Variants in KIF1C observed in about 807,000 individuals in gnomAD.
KIF1C encodes kinesin-like protein KIF1C.
KIF1C carries 61 observed loss-of-function variants against 126.5 expected under a neutral mutation model. The observed-to-expected ratio is 0.48, with a 90% CI of 0.39 to 0.60. The LOEUF (loss-of-function observed/expected upper bound fraction) is 0.60, where lower values mean the gene tolerates loss of function less well. KIF1C is among the 20% of genes least tolerant of loss of function. The pLI, the probability that KIF1C is intolerant of heterozygous loss-of-function variation, is 0.00. For missense variants in KIF1C, 1,315 were observed against 1,489.2 expected (o/e 0.88, Z 1.93); for synonymous variants, 640 against 580.6 (o/e 1.10, Z -1.47).
rs1045112397 is a variant in KIF1C, at chr17:5,004,998, A to C, written c.1163A>C (p.Glu388Ala). 27 of 1,614,006 alleles carry C rather than the reference A, an allele frequency of 1.7e-5. No individual in the cohort carries two copies. Among genetic ancestry groups the C allele is most frequent in the Admixed American group, 3.3e-5 (2 of 60,002 alleles). The change falls in exon 13 of 23, where the codon GAA becomes GCA. Residue 388 changes from glutamate (E) to alanine (A), a missense_variant and splice_region_variant. Glu to Ala is a moderately radical substitution (Grantham distance 107, BLOSUM62 -1). This residue lies in a region of KIF1C where 874 missense variants were observed against 1,053.2 expected (regional missense o/e 0.83). Transcript: ENST00000320785. ...CAGGGACTGTCAGCCTCTGCTCTGG[A>C]AGGTCGAGGTTCCAGGGAGGGGCAG... Reference protein sequence around the residue: ...MAQGLSASALEGLKTEEGSVR... With the variant: ...MAQGLSASALAGLKTEEGSVR...
In KIF1C at chr17:5,024,147, T is replaced by TGTGA; in HGVS notation, c.3311_*2dup. The TGTGA allele has an allele frequency of 6.2e-7, 1 of 1,605,246 alleles. No homozygotes were observed. Among genetic ancestry groups the TGTGA allele is most frequent in the Non-Finnish European group, 8.5e-7 (1 of 1,175,818 alleles). Reference sequence around the variant, plus strand: ...GACCTCAAGGAGAGTGGGGCAGCTGTGTGAGTCCCACATCCTGGGCAGAGG... The same window carrying TGTGA: ...GACCTCAAGGAGAGTGGGGCAGCTGTGTGAGTGAGTCCCACATCCTGGGCAGAGG... On this transcript the variant is annotated stop_gained and frameshift_variant, in exon 23 of 23. Transcript: ENST00000320785. LOFTEE classifies it high-confidence loss of function.
At chr17:5,000,461 G>C (rs2143305017) in intron 3 of KIF1C, 109 bp downstream of exon 3, 1 of 791,596 alleles carries the variant, frequency 1.3e-6, no homozygotes. Context: ...TGGGCACAGA[G>C]CAGGTGCTAG....
At chr17:5,002,665 A>G in intron 7 of KIF1C, 23 bp downstream of exon 7, 1 of 1,611,592 alleles carries the variant, frequency 6.2e-7, no homozygotes, top group Non-Finnish European at 8.5e-7. Flanking sequence ...GATGGAGCAG[A>G]GGGCAAGGGG....
At chr17:5,019,876 T>C (rs767526061) in intron 18 of KIF1C, 120 bp from the exon 19 acceptor site, 12 of 721,356 alleles carry the variant, frequency 1.7e-5, no homozygotes, top group Non-Finnish European at 2.7e-5. Context: ...CTACAGGTAC[T>C]GGGGGTGGGA....
intron 13 of KIF1C, among the ~76,000 whole-genome samples, chr17:5,005,718 C>T (rs1239478448): frequency 2.0e-5 from 3 of 150,038 alleles, no homozygotes; most frequent in Non-Finnish European, 3.0e-5. Flanking sequence ...CAGCTCAGCA[C>T]AGCTAAGAAT....
chr17:5,009,654 G>A (rs1407144480), intron 16 of KIF1C, among the ~76,000 whole-genome samples: 1 of 151,268 alleles, frequency 6.6e-6, no homozygotes, highest in Non-Finnish European at 1.5e-5. Context: ...CACGTGTGCT[G>A]GCGGGCGCCT....
intron 16 of KIF1C, among the ~76,000 whole-genome samples, chr17:5,012,804 C>T (rs1597855023): frequency 6.6e-6 from 1 of 152,146 alleles, no homozygotes; most frequent in Non-Finnish European, 1.5e-5. Context: ...GGCAGCGTCG[C>T]CTGTACGCCA....
intron 14 of KIF1C, 59 bp downstream of exon 14, chr17:5,007,143 C>G: frequency 6.3e-7 from 1 of 1,577,240 alleles, no homozygotes; most frequent in East Asian, 2.2e-5. Context: ...GTTTACTTCT[C>G]CAAAGTCAAG....
intron 18 of KIF1C, 109 bp downstream of exon 18, chr17:5,014,946 A>G (rs2143359377): frequency 1.2e-6 from 1 of 857,636 alleles, no homozygotes; most frequent in South Asian, 1.6e-5. Flanking sequence ...GCAGCCATAT[A>G]AAGAGGGGAT....
intron 6 of KIF1C, 88 bp from the exon 7 acceptor site, chr17:5,002,376 C>G: frequency 1.5e-6 from 2 of 1,296,650 alleles, no homozygotes; most frequent in Non-Finnish European, 2.2e-6. Flanking sequence ...GCTGCAGTCA[C>G]CTGGATCGTG....
In KIF1C at chr17:5,020,598, T is replaced by G; in HGVS notation, c.1857T>G (p.Ser619=). Residue 619 remains serine, a synonymous_variant, in exon 20 of 23, where the codon TCT becomes TCG. Transcript: ENST00000320785. The surrounding 1 kb of genome is among the most constrained non-coding windows in gnomAD (Gnocchi z 5.8). The part of the protein sequence containing the change: ...RGVPPPPGPP[S]EPVDWNFAQK... ...TCCCCCCACCCCCAGGACCGCCCTC[T>G]GAGCCAGTCGACTGGAACTTTGCCC... 9 of 1,614,208 alleles carry G rather than the reference T, an allele frequency of 5.6e-6. No homozygotes were observed. Among genetic ancestry groups the G allele is most frequent in the Non-Finnish European group, 6.8e-6 (8 of 1,180,012 alleles).
chr17:5,006,987 C>T lies in KIF1C; in HGVS notation c.1238C>T (p.Pro413Leu), dbSNP rs1974748952. 4 of 1,611,736 alleles carry T rather than the reference C, an allele frequency of 2.5e-6. No homozygotes were observed. The highest frequency in any genetic ancestry group is 2.2e-5 in the East Asian group (1 of 44,836). ...AVSSPPAPVS[P>L]SSPTTHNGEL... ...TCATCTCCCCCAGCTCCAGTTTCAC[C>T]CTCATCACCCACCACACATAATGGG... Residue 413 changes from proline (P) to leucine (L), a missense_variant, in exon 14 of 23, where the codon CCC becomes CTC. This residue lies in a region of KIF1C where 874 missense variants were observed against 1,053.2 expected (regional missense o/e 0.83). Coordinates refer to ENST00000320785, the MANE Select transcript of KIF1C (RefSeq NM_006612.6).
intron 16 of KIF1C, among the ~76,000 whole-genome samples, 191 bp from the exon 17 acceptor site, chr17:5,013,462 G>A (rs1240593635): frequency 6.6e-6 from 1 of 152,074 alleles, no homozygotes; most frequent in Non-Finnish European, 1.5e-5. Context: ...TGAGAGGTGG[G>A]AACCAAAGAA....
rs1428502914 is a variant in KIF1C, at chr17:5,007,274, G to A, written c.1347G>A (p.Lys449=). Residue 449 remains lysine (K), a synonymous_variant, in exon 15 of 23, where the codon AAG becomes AAA. Transcript: ENST00000320785. The part of the protein sequence containing the change: ...EAMERLQETE[K]IIAELNETWE... ...CCTTACGCCCCCAGGAGACAGAGAA[G>A]ATTATAGCTGAGCTGAACGAGACAT... The A allele has an allele frequency of 2.5e-6, 4 of 1,609,134 alleles. No homozygotes were observed. The Admixed American group carries it at 6.8e-5, about 27-fold the overall frequency.
chr17:5,014,371 G>A (rs1396237815), intron 17 of KIF1C: 1 of 211,208 alleles, frequency 4.7e-6, no homozygotes, highest in African/African-American at 2.3e-5. Flanking sequence ...TTTGGGGTAT[G>A]GCTGCTGAGG....
chr17:5,006,956 G>T lies in KIF1C; in HGVS notation c.1207G>T (p.Ala403Ser), dbSNP rs748884069. The T allele has an allele frequency of 2.5e-6, 4 of 1,609,046 alleles. No individual in the cohort carries two copies. Among genetic ancestry groups the T allele is most frequent in the Admixed American group, 1.7e-5 (1 of 58,026 alleles). Reference sequence around the variant, plus strand: ...AGGGAGTGTCAGAGGCGCCCTGCCAGCTGTGTCATCTCCCCCAGCTCCAGT... The same window carrying T: ...AGGGAGTGTCAGAGGCGCCCTGCCATCTGTGTCATCTCCCCCAGCTCCAGT... ...EEGSVRGALP[A>S]VSSPPAPVSP... is the part of the protein sequence containing the mutation. Residue 403 changes from alanine to serine, a missense_variant, in exon 14 of 23, where the codon GCT becomes TCT. Around this residue, in one of 2 missense-constraint regions of KIF1C, gnomAD observed 874 missense variants for 1,053.2 expected, o/e 0.83. Transcript: ENST00000320785.
chr17:5,004,445 C>G, intron 11 of KIF1C, 122 bp from the exon 12 acceptor site: 1 of 872,756 alleles, frequency 1.1e-6, no homozygotes, highest in Non-Finnish European at 1.9e-6. Flanking sequence ...GCTAGACTCC[C>G]CTACCTCAGA....
chr17:5,005,698 G>A (rs1193598488), intron 13 of KIF1C, among the ~76,000 whole-genome samples: 20 of 151,992 alleles, frequency 1.3e-4, no homozygotes, highest in Admixed American at 1.3e-3. Flanking sequence ...ACATGACGTG[G>A]GACCAGTTTC....
At position 5,007,497 on chromosome 17, in the gene KIF1C, C is replaced by T. The variant is rs551585017; in HGVS notation, c.1446C>T (p.Ala482=). The T allele has an allele frequency of 1.6e-5, 25 of 1,573,926 alleles. No individual in the cohort carries two copies. Among genetic ancestry groups the T allele is most frequent in the South Asian group, 7.0e-5 (6 of 85,224 alleles). Residue 482 remains alanine, a synonymous_variant, in exon 16 of 23, where the codon GCC becomes GCT. Coordinates refer to ENST00000320785, the MANE Select transcript of KIF1C (RefSeq NM_006612.6). ...REALLAEMGV[A]VREDGGTVGV... The stretch of plus-strand genomic sequence containing the variant: ...CATTGCTGGCTGAGATGGGGGTGGC[C>T]GTCCGGGAGGATGGGGGAACTGTGG...
Sources: allele counts gnomAD v4.1 joint callset (sites outside exome capture counted in the v4.1 genomes callset), GRCh38; gene constraint gnomAD v4.1.1; regional missense constraint gnomAD v4.1.1; non-coding constraint Gnocchi (gnomAD v3.1); transcripts MANE v1.5; gene names NCBI Gene and HGNC (gene_info 2026-07-23, HGNC 2026-07-21).